The following RIMBP2 variants were observed in gnomAD, a reference collection of about 807,000 sequenced individuals.
The protein encoded by RIMBP2 is RIMS-binding protein 2.
A neutral mutation model predicts 118.6 loss-of-function variants in RIMBP2; 48 were observed. The ratio of observed to expected loss-of-function variants is 0.40; its 90% CI spans 0.32 to 0.51. RIMBP2 has a LOEUF of 0.51. Among genes scored for constraint, RIMBP2 ranks in the 20% least tolerant of loss-of-function variants. RIMBP2 has a pLI of 0.41. For synonymous variants in RIMBP2, 762 were observed against 742.9 expected (o/e 1.03, Z -0.42); for missense variants, 1,551 against 1,768.3 (o/e 0.88, Z 2.20).
At chr12:130,558,779 A>C in intron 2 of RIMBP2, among the ~76,000 whole-genome samples, 1 of 152,216 alleles carries the variant, frequency 6.6e-6, no homozygotes, top group African/African-American at 2.4e-5. Flanking sequence ...TGCTATGTCC[A>C]GGGAGGAGCT....
intron 2 of RIMBP2, among the ~76,000 whole-genome samples, chr12:130,537,167 A>C (rs533103525): frequency 7.9e-5 from 12 of 152,046 alleles, no homozygotes; most frequent in Non-Finnish European, 1.5e-4. Context: ...GGCCACTTAC[A>C]CCCCAGCTCT....
At chr12:130,716,063 C>G (rs1044062815) in intron 1 of RIMBP2, among the ~76,000 whole-genome samples, 159 bp downstream of exon 1, 1 of 152,200 alleles carries the variant, frequency 6.6e-6, no homozygotes, top group African/African-American at 2.4e-5. Flanking sequence ...CCCCGGACCC[C>G]ACGCTGAAGG....
At chr12:130,606,914 C>G (rs2060226286) in intron 2 of RIMBP2, among the ~76,000 whole-genome samples, 1 of 152,186 alleles carries the variant, frequency 6.6e-6, no homozygotes, top group Admixed American at 6.5e-5. Flanking sequence ...TCACTGCAAC[C>G]TCCGCCTCCC....
chr12:130,524,854 A>C (rs2139206152), intron 2 of RIMBP2, among the ~76,000 whole-genome samples: 1 of 152,292 alleles, frequency 6.6e-6, no homozygotes, highest in Non-Finnish European at 1.5e-5. Flanking sequence ...CGAGAAAAGA[A>C]GGTGCCACAT....
intron 2 of RIMBP2, among the ~76,000 whole-genome samples, chr12:130,619,986 C>T (rs146172887): frequency 2.2e-4 from 33 of 152,298 alleles, no homozygotes; most frequent in African/African-American, 6.0e-4. Flanking sequence ...AGGTGTGCGA[C>T]GCTGTGCTGA....
At chr12:130,439,032 C>T (rs762575000) in intron 11 of RIMBP2, among the ~76,000 whole-genome samples, 6 of 151,894 alleles carry the variant, frequency 4.0e-5, no homozygotes, top group Admixed American at 1.3e-4. Flanking sequence ...CTGCCCGGAC[C>T]GCATATTCCC....
intron 2 of RIMBP2, among the ~76,000 whole-genome samples, chr12:130,563,136 T>A (rs911580804): frequency 6.6e-6 from 1 of 152,200 alleles, no homozygotes; most frequent in Non-Finnish European, 1.5e-5. Context: ...AGAGGGCTTT[T>A]CAAAAAGCAT....
At chr12:130,435,141 G>A (rs1282527929) in intron 13 of RIMBP2, among the ~76,000 whole-genome samples, 1 of 151,936 alleles carries the variant, frequency 6.6e-6, no homozygotes, top group Non-Finnish European at 1.5e-5. Context: ...TGTCTCCCAG[G>A]TTCAAGCAAT....
chr12:130,480,413 C>T (rs903217211), intron 4 of RIMBP2, among the ~76,000 whole-genome samples: 5 of 152,176 alleles, frequency 3.3e-5, no homozygotes, highest in Non-Finnish European at 7.4e-5. Context: ...ACGGGCCTGC[C>T]CCCCATGTCC....
At chr12:130,624,525 A>C (rs565999919) in intron 2 of RIMBP2, among the ~76,000 whole-genome samples, 2 of 152,178 alleles carry the variant, frequency 1.3e-5, no homozygotes, top group Non-Finnish European at 2.9e-5. Flanking sequence ...AATTCTGAAA[A>C]GAAACACCAA....
chr12:130,543,387 T>A (rs1593730397), intron 2 of RIMBP2, among the ~76,000 whole-genome samples: 1 of 152,272 alleles, frequency 6.6e-6, no homozygotes, highest in Non-Finnish European at 1.5e-5. Flanking sequence ...TTCTAAAAAG[T>A]TTAAATTACT....
chr12:130,468,088 T>A (rs920272434), intron 6 of RIMBP2, among the ~76,000 whole-genome samples: 2 of 152,172 alleles, frequency 1.3e-5, no homozygotes, highest in Non-Finnish European at 2.9e-5. Context: ...CACCTAGACA[T>A]GAAACCCCCA....
At position 130,502,408 on chromosome 12, in the gene RIMBP2, G is replaced by A. The variant is rs146224318; in HGVS notation, c.-4+4240C>T. Among the ~76,000 whole-genome samples, 509 of 152,140 alleles carry A rather than the reference G, an allele frequency of 3.3e-3. 1 individual carries two copies. The highest frequency in any genetic ancestry group is 6.0e-3 in the Non-Finnish European group (410 of 67,990). On this transcript the variant is annotated intron_variant, in intron 4 of 22. Coordinates refer to ENST00000690449, the MANE Select transcript of RIMBP2 (RefSeq NM_001393629.1). ...ACTCTGGCCAATTTATTCCCAATCC[G>A]GGTTTCATTTTTTACTTCCCTGCCC...
At position 130,525,345 on chromosome 12, in the gene RIMBP2, G is replaced by T. The variant is rs1164069330; in HGVS notation, c.-216-7428C>A. On this transcript the variant is annotated intron_variant, in intron 2 of 22. Coordinates refer to ENST00000690449, the MANE Select transcript of RIMBP2 (RefSeq NM_001393629.1). The surrounding 1 kb of genome is among the most constrained non-coding windows in gnomAD (Gnocchi z 4.4). ...GGCTCTGGTGATGGGATAAGCAGAG[G>T]GCAGCATCAATGGGTGGGAGATAAA... Among the ~76,000 whole-genome samples the T allele has an allele frequency of 1.3e-5, 2 of 152,198 alleles. No homozygotes were observed. Among genetic ancestry groups the T allele is most frequent in the Admixed American group, 1.3e-4 (2 of 15,282 alleles).
chr12:130,416,182 T>A (rs1379782703), intron 17 of RIMBP2, among the ~76,000 whole-genome samples: 2 of 152,208 alleles, frequency 1.3e-5, no homozygotes, highest in Admixed American at 1.3e-4. Flanking sequence ...GCTATTTCTA[T>A]CAAACTTCCA....
At chr12:130,633,155 C>G (rs553593889) in intron 1 of RIMBP2, among the ~76,000 whole-genome samples, 23 of 152,358 alleles carry the variant, frequency 1.5e-4, no homozygotes, top group African/African-American at 5.5e-4. Flanking sequence ...TTTCAACTAA[C>G]AGCGGACCTA....
chr12:130,475,006 C>T lies in RIMBP2; in HGVS notation c.102+3906G>A, dbSNP rs867311650. On this transcript the variant is annotated intron_variant, in intron 5 of 22. Transcript: ENST00000690449. The surrounding 1 kb of genome is among the most constrained non-coding windows in gnomAD (Gnocchi z 4.1). ...TTGCTCCCGGTCTCCAGGAAGCACG[C>T]GTCTCCCGGGAGAGCCTGAGGTTAC... is the stretch of plus-strand genomic sequence containing the variant. Among the ~76,000 whole-genome samples, 2 of 152,260 alleles carry T rather than the reference C, an allele frequency of 1.3e-5. No homozygotes were observed. The highest frequency in any genetic ancestry group is 1.9e-4 in the East Asian group (1 of 5,168).
Position 130,398,044 on chromosome 12 carries a change from G to GA in RIMBP2, c.3901-496dup, listed in dbSNP as rs538495873. 115 of 142,398 alleles carry GA rather than the reference G, an allele frequency of 8.1e-4. No homozygotes were observed. The East Asian group carries it at 9.0e-3, about 11-fold the overall frequency. 8.8% of individuals were successfully genotyped at this position (142,398 alleles called of 1,614,324 possible). A position where few individuals can be genotyped will look rare whatever the true frequency, so the allele number is the denominator to read the frequency against. Reference sequence around the variant, plus strand: ...ATTGGAGATGGCACACTGGTTGAAAGAAAAAAAAAAACTAAAATGAACCTT... The same window carrying GA: ...ATTGGAGATGGCACACTGGTTGAAAGAAAAAAAAAAAACTAAAATGAACCTT... On this transcript the variant is annotated intron_variant, in intron 22 of 22. Transcript: ENST00000690449.
chr12:130,682,580 T>A (rs1047401546), intron 1 of RIMBP2, among the ~76,000 whole-genome samples: 4 of 152,220 alleles, frequency 2.6e-5, no homozygotes, highest in African/African-American at 9.6e-5. Context: ...AAAGCTAAAT[T>A]TTAAAAAATA....
Sources: gnomAD v4.1 joint callset for allele counts (sites outside exome capture counted in the v4.1 genomes callset) on GRCh38, gnomAD v4.1.1 for gene constraint, Gnocchi (gnomAD v3.1) non-coding constraint, MANE v1.5 for transcripts, NCBI Gene and HGNC (gene_info 2026-07-23, HGNC 2026-07-21) for gene names.